BTBD9: variants seen among roughly 807,000 people sequenced by gnomAD.
The protein encoded by BTBD9 is BTB domain containing 9.
A neutral mutation model predicts 64.3 loss-of-function variants in BTBD9; 49 were observed. The ratio of observed to expected loss-of-function variants is 0.76; its 90% CI spans 0.61 to 0.97. The LOEUF (loss-of-function observed/expected upper bound fraction) is 0.97, where lower values mean the gene tolerates loss of function less well. Ranked by LOEUF, BTBD9 falls within the 50% of genes least tolerant of loss-of-function variation. The pLI, the probability that BTBD9 is intolerant of heterozygous loss-of-function variation, is 0.00. For synonymous variants in BTBD9, 260 were observed against 274.7 expected, an observed-to-expected ratio of 0.95 and a Z score of 0.53; for missense variants, 598 against 762.1, an observed-to-expected ratio of 0.78 and a Z score of 2.53.
At chr6:38,289,210 C>A (rs1172489683) in intron 7 of BTBD9, among the ~76,000 whole-genome samples, 2 of 151,628 alleles carry the variant, frequency 1.3e-5, no homozygotes, top group African/African-American at 4.8e-5. Context: ...CCATTTCTAC[C>A]CAAAATACAA....
intron 6 of BTBD9, among the ~76,000 whole-genome samples, chr6:38,412,240 T>C (rs922433971): frequency 7.2e-5 from 11 of 151,962 alleles, no homozygotes; most frequent in Non-Finnish European, 1.6e-4. Context: ...TCCTAATATA[T>C]AAAGAATTCC....
intron 6 of BTBD9, among the ~76,000 whole-genome samples, chr6:38,545,454 T>C (rs144808190): frequency 6.6e-6 from 1 of 152,154 alleles, no homozygotes; most frequent in East Asian, 1.9e-4. Flanking sequence ...TTTGGGAATA[T>C]ACTAAGAAAC....
intron 6 of BTBD9, among the ~76,000 whole-genome samples, chr6:38,558,561 T>C (rs2127454652): frequency 6.6e-6 from 1 of 152,274 alleles, no homozygotes; most frequent in Non-Finnish European, 1.5e-5. Context: ...GATTTTGAGG[T>C]ATGTTCTTTT....
At chr6:38,334,807 A>G (rs2127583838) in intron 7 of BTBD9, among the ~76,000 whole-genome samples, 1 of 152,256 alleles carries the variant, frequency 6.6e-6, no homozygotes. Context: ...AAATAAAGTA[A>G]ATCCTATAAA....
intron 8 of BTBD9, among the ~76,000 whole-genome samples, chr6:38,268,822 G>C (rs1344540900): frequency 1.3e-5 from 2 of 152,218 alleles, no homozygotes; most frequent in African/African-American, 4.8e-5. Flanking sequence ...ACCAGCGTGA[G>C]CTGCGACTCG....
chr6:38,465,291 G>A (rs945673323), intron 6 of BTBD9, among the ~76,000 whole-genome samples: 15 of 150,854 alleles, frequency 9.9e-5, no homozygotes, highest in African/African-American at 2.7e-4. Context: ...AGAGACTGTC[G>A]CAAAAAAACA....
intron 6 of BTBD9, among the ~76,000 whole-genome samples, chr6:38,399,838 G>A (rs997496946): frequency 1.3e-4 from 20 of 151,868 alleles, no homozygotes; most frequent in Admixed American, 3.9e-4. Flanking sequence ...CACAACCTCC[G>A]CCTCCCGGGT....
At chr6:38,263,927 T>C (rs982398533) in intron 8 of BTBD9, among the ~76,000 whole-genome samples, 11 of 151,526 alleles carry the variant, frequency 7.3e-5, no homozygotes, top group Admixed American at 3.9e-4. Context: ...GCAATAAGAG[T>C]AGATGTTATG....
intron 9 of BTBD9, among the ~76,000 whole-genome samples, chr6:38,246,722 T>A (rs759258952): frequency 1.1e-4 from 16 of 152,032 alleles, no homozygotes; most frequent in Non-Finnish European, 2.9e-5. Context: ...ATTTCAAAAG[T>A]GACAATTACA....
At chr6:38,460,420 T>G (rs1310285602) in intron 6 of BTBD9, among the ~76,000 whole-genome samples, 4 of 152,248 alleles carry the variant, frequency 2.6e-5, no homozygotes, top group East Asian at 1.9e-4. Context: ...AACATCATTA[T>G]GCACACCGCA....
At chr6:38,546,597 C>T (rs1428860662) in intron 6 of BTBD9, among the ~76,000 whole-genome samples, 1 of 152,186 alleles carries the variant, frequency 6.6e-6, no homozygotes, top group Non-Finnish European at 1.5e-5. Context: ...AACTCTGTCA[C>T]GTTTCAGTAA....
chr6:38,507,038 A>G (rs1243006015), intron 6 of BTBD9, among the ~76,000 whole-genome samples: 1 of 152,168 alleles, frequency 6.6e-6, no homozygotes, highest in Non-Finnish European at 1.5e-5. Flanking sequence ...CTCTCTCTGC[A>G]TGAAATCCTC....
chr6:38,341,358 T>C (rs1582259875), intron 7 of BTBD9, among the ~76,000 whole-genome samples: 1 of 151,620 alleles, frequency 6.6e-6, no homozygotes, highest in East Asian at 2.0e-4. Context: ...TAATAAAGTA[T>C]TTATAGGTGA....
At chr6:38,293,500 CA>C (rs1378267253) in intron 7 of BTBD9, among the ~76,000 whole-genome samples, 2 of 152,110 alleles carry the variant, frequency 1.3e-5, no homozygotes, top group Non-Finnish European at 2.9e-5. Context: ...ACAGAGGCCT[CA>C]GAAATAATGC....
intron 9 of BTBD9, among the ~76,000 whole-genome samples, chr6:38,194,439 G>C (rs939424903): frequency 1.3e-5 from 2 of 152,258 alleles, no homozygotes; most frequent in Admixed American, 6.5e-5. Flanking sequence ...ACAGCTATTA[G>C]GTTCAAGTCA....
Position 38,598,853 on chromosome 6 carries a change from G to T in BTBD9, c.-27-732C>A, listed in dbSNP as rs1777152227. Among the ~76,000 whole-genome samples the T allele has an allele frequency of 1.3e-5, 2 of 151,614 alleles. 1 individual carries two copies. Among genetic ancestry groups the T allele is most frequent in the South Asian group, 4.1e-4 (2 of 4,822 alleles). On this transcript the variant is annotated intron_variant, in intron 1 of 10. Transcript: ENST00000481247. ...AATCGTTTGAACCCAGGAGGCGGAGGTTGCTGTGAGTCGAGATGGCGCCAT... is the reference window on the plus strand; with the variant it reads ...AATCGTTTGAACCCAGGAGGCGGAGTTTGCTGTGAGTCGAGATGGCGCCAT...
At chr6:38,353,652 T>C (rs769421528) in intron 6 of BTBD9, among the ~76,000 whole-genome samples, 1 of 152,216 alleles carries the variant, frequency 6.6e-6, no homozygotes, top group Non-Finnish European at 1.5e-5. Context: ...TTTCACTACT[T>C]TTCCCCTAGC....
intron 8 of BTBD9, among the ~76,000 whole-genome samples, chr6:38,272,426 C>T (rs1765228459): frequency 6.6e-6 from 1 of 152,166 alleles, no homozygotes; most frequent in Non-Finnish European, 1.5e-5. Flanking sequence ...TACAAGATAG[C>T]TGGCCAGGGC....
chr6:38,461,051 G>A lies in BTBD9; in HGVS notation c.1155-115958C>T, dbSNP rs141486107. 5.4e-3 allele frequency among the ~76,000 whole-genome samples: 816 copies of A among 152,304 alleles called. 3 individuals carry two copies. Among genetic ancestry groups the A allele is most frequent in the Non-Finnish European group, 8.8e-3 (598 of 68,024 alleles). Reference sequence around the variant, plus strand: ...ATTGCCTCCCTGGTTCTAACCAGGCGTTTCACGCTCACTCTGTTTACCCTC... The same window carrying A: ...ATTGCCTCCCTGGTTCTAACCAGGCATTTCACGCTCACTCTGTTTACCCTC... On this transcript the variant is annotated intron_variant, in intron 6 of 10. Coordinates refer to ENST00000481247, the MANE Select transcript of BTBD9 (RefSeq NM_001099272.2).
Sources: allele counts gnomAD v4.1 joint callset (sites outside exome capture counted in the v4.1 genomes callset), GRCh38; gene constraint gnomAD v4.1.1; transcripts MANE v1.5; gene names NCBI Gene and HGNC (gene_info 2026-07-23, HGNC 2026-07-21).